RAB22A: variants seen among roughly 807,000 people sequenced by gnomAD.
RAB22A encodes the protein RAB22A, member RAS oncogene family.
In RAB22A, 13 loss-of-function variants were observed where a neutral mutation model predicts 30.2. The ratio of observed to expected loss-of-function variants is 0.43; its 90% CI spans 0.28 to 0.68. RAB22A has a LOEUF of 0.68. RAB22A is among the 30% of genes least tolerant of loss of function. The probability of loss-of-function intolerance (pLI) is 0.18; values close to 1 mark genes in which losing one functional copy is unlikely to be tolerated. For missense variants in RAB22A, 177 were observed against 246.8 expected, an observed-to-expected ratio of 0.72 and a Z score of 1.89; for synonymous variants, 89 against 87.2, an observed-to-expected ratio of 1.02 and a Z score of -0.11.
At chr20:58,330,284 G>T (rs1439025830) in intron 2 of RAB22A, among the ~76,000 whole-genome samples, 1 of 152,028 alleles carries the variant, frequency 6.6e-6, no homozygotes, top group Non-Finnish European at 1.5e-5. Flanking sequence ...CTTAATTCTA[G>T]AATTTTCATT....
At chr20:58,330,082 A>G (rs1986637554) in intron 2 of RAB22A, among the ~76,000 whole-genome samples, 1 of 152,222 alleles carries the variant, frequency 6.6e-6, no homozygotes, top group African/African-American at 2.4e-5. Flanking sequence ...TAAGTAATCT[A>G]GAGATGACTT....
chr20:58,343,058 T>C (rs1268570819), intron 2 of RAB22A, among the ~76,000 whole-genome samples: 1 of 152,196 alleles, frequency 6.6e-6, no homozygotes, highest in Non-Finnish European at 1.5e-5. Context: ...CTGCAAACCA[T>C]GATTCCTTCT....
chr20:58,311,206 C>CG (rs1408395805), intron 2 of RAB22A, 84 bp downstream of exon 2: 1 of 1,243,824 alleles, frequency 8.0e-7, no homozygotes, highest in Admixed American at 1.7e-5. Flanking sequence ...GTAGGCCCTG[C>CG]GCTTTGTAGT....
chr20:58,322,148 C>T (rs770800063), intron 2 of RAB22A, among the ~76,000 whole-genome samples: 1 of 152,186 alleles, frequency 6.6e-6, no homozygotes, highest in Non-Finnish European at 1.5e-5. Flanking sequence ...TGAAATGTCT[C>T]TCTTTTGTCC....
At position 58,354,283 on chromosome 20, in the gene RAB22A, T is replaced by TTA; in HGVS notation, c.487+20_487+21dup. On this transcript the variant is annotated intron_variant, in intron 6 of 6. Coordinates refer to ENST00000244040, the MANE Select transcript of RAB22A (RefSeq NM_020673.3). ...AGAAATTAGTGAGTATCTCTGTGCCTTATCCATTTCCTCTGTAAAAGCCGC... is the reference window on the plus strand; with the variant it reads ...AGAAATTAGTGAGTATCTCTGTGCCTTATATCCATTTCCTCTGTAAAAGCCGC... 6.4e-7 allele frequency: 1 copy of TTA among 1,551,166 alleles called. No homozygotes were observed. Among genetic ancestry groups the TTA allele is most frequent in the Non-Finnish European group, 8.9e-7 (1 of 1,128,834 alleles).
At chr20:58,319,516 T>C (rs1159658196) in intron 2 of RAB22A, among the ~76,000 whole-genome samples, 1 of 152,222 alleles carries the variant, frequency 6.6e-6, no homozygotes, top group Non-Finnish European at 1.5e-5. Flanking sequence ...ATTCTTGTTT[T>C]TCATGTCTGG....
At chr20:58,316,611 T>C (rs2122924969) in intron 2 of RAB22A, among the ~76,000 whole-genome samples, 1 of 152,256 alleles carries the variant, frequency 6.6e-6, no homozygotes, top group African/African-American at 2.4e-5. Flanking sequence ...TCCTCAAGTG[T>C]GCTAGAGTAG....
At position 58,353,323 on chromosome 20, in the gene RAB22A, C is replaced by T. The variant is rs1352462844; in HGVS notation, c.249C>T (p.Ile83=). ...ATCGAGGGTCGGCTGCAGCTATAAT[C>T]GTTTATGATATCACAAAAGAAGTAA... is the stretch of plus-strand genomic sequence containing the variant. ...MYYRGSAAAI[I]VYDITKEETF... is the part of the protein sequence containing the mutation. The change falls in exon 4 of 7, where the codon ATC becomes ATT. Residue 83 remains isoleucine (I), a synonymous_variant. Transcript: ENST00000244040. 5.6e-6 allele frequency: 9 copies of T among 1,613,862 alleles called. No individual in the cohort carries two copies. The highest frequency in any genetic ancestry group is 1.3e-5 in the African/African-American group (1 of 74,890).
chr20:58,310,935 C>A, intron 1 of RAB22A, 108 bp from the exon 2 acceptor site: 1 of 850,154 alleles, frequency 1.2e-6, no homozygotes, highest in Non-Finnish European at 2.0e-6. Flanking sequence ...ATAAAATTTA[C>A]ACGTCTAGGG....
chr20:58,360,954 C>A lies in RAB22A; in HGVS notation c.*1251C>A, dbSNP rs566024907. ...TTTACCTGGTCTTGGTAATAAGTTT[C>A]TTTTAGCTTGTACAGCATCCTCAGA... On this transcript the variant is annotated 3_prime_UTR_variant, in exon 7 of 7. Transcript: ENST00000244040. 2 of 152,668 alleles carry A rather than the reference C, an allele frequency of 1.3e-5. No individual in the cohort carries two copies. The highest frequency in any genetic ancestry group is 2.1e-4 in the South Asian group (1 of 4,822). 9.5% of individuals were successfully genotyped at this position (152,668 alleles called of 1,614,324 possible).
intron 2 of RAB22A, among the ~76,000 whole-genome samples, chr20:58,311,387 G>A (rs1209776768): frequency 2.6e-5 from 4 of 152,076 alleles, no homozygotes; most frequent in Non-Finnish European, 5.9e-5. Context: ...CAGAAGCTTC[G>A]GTCTATAAAT....
intron 2 of RAB22A, among the ~76,000 whole-genome samples, chr20:58,324,382 G>A (rs897841079): frequency 2.6e-5 from 4 of 151,674 alleles, no homozygotes; most frequent in Non-Finnish European, 5.9e-5. Context: ...GATTCTATAC[G>A]GAGACCCCGT....
intron 3 of RAB22A, among the ~76,000 whole-genome samples, chr20:58,346,518 T>A (rs1986952120): frequency 6.6e-6 from 1 of 152,246 alleles, no homozygotes; most frequent in Non-Finnish European, 1.5e-5. Context: ...TCCCGTCTTT[T>A]AGTGTCAGGT....
intron 2 of RAB22A, among the ~76,000 whole-genome samples, chr20:58,320,691 G>A (rs1219555847): frequency 6.6e-6 from 1 of 152,152 alleles, no homozygotes. Context: ...TGGTGTCTTA[G>A]AAATATATTT....
chr20:58,356,824 ATG>A (rs1987136959), intron 6 of RAB22A, among the ~76,000 whole-genome samples: 1 of 152,154 alleles, frequency 6.6e-6, no homozygotes, highest in Non-Finnish European at 1.5e-5. Context: ...ATCCACTCTC[ATG>A]GCTGGTTTGT....
Position 58,326,294 on chromosome 20 carries a change from G to A in RAB22A, c.116+15172G>A, listed in dbSNP as rs193071771. On this transcript the variant is annotated intron_variant, in intron 2 of 6. Transcript: ENST00000244040. ...TGCATCACCTCAGAAAGTTCCCTCTGTGAATCATACTCTCCATAAGCACCA... is the reference window on the plus strand; with the variant it reads ...TGCATCACCTCAGAAAGTTCCCTCTATGAATCATACTCTCCATAAGCACCA... Among the ~76,000 whole-genome samples, 72 of 152,154 alleles carry A rather than the reference G, an allele frequency of 4.7e-4. No individual in the cohort carries two copies. The East Asian group carries it at 0.013, about 28-fold the overall frequency.
At chr20:58,344,815 T>C (rs1419775581) in intron 3 of RAB22A, among the ~76,000 whole-genome samples, 7 of 152,242 alleles carry the variant, frequency 4.6e-5, no homozygotes, top group Non-Finnish European at 1.0e-4. Context: ...AGACATAGAC[T>C]CCATGCATTT....
chr20:58,331,580 G>C (rs2122944980), intron 2 of RAB22A, among the ~76,000 whole-genome samples: 1 of 152,148 alleles, frequency 6.6e-6, no homozygotes, highest in Admixed American at 6.5e-5. Context: ...TTGTTGTAGA[G>C]TTTGACTAAA....
At chr20:58,313,048 G>A (rs988115892) in intron 2 of RAB22A, among the ~76,000 whole-genome samples, 11 of 152,268 alleles carry the variant, frequency 7.2e-5, no homozygotes, top group African/African-American at 2.6e-4. Context: ...AGTCAGAGCT[G>A]AAAACCTAAA....
Sources: allele counts gnomAD v4.1 joint callset (sites outside exome capture counted in the v4.1 genomes callset), GRCh38; gene constraint gnomAD v4.1.1; transcripts MANE v1.5; gene names NCBI Gene and HGNC (gene_info 2026-07-23, HGNC 2026-07-21).